The following SLC6A19 variants were observed in gnomAD, a reference collection of about 807,000 sequenced individuals.
SLC6A19 encodes sodium-dependent neutral amino acid transporter B(0)AT1.
SLC6A19 carries 67 observed loss-of-function variants against 68.3 expected under a neutral mutation model. That is an observed-to-expected ratio of 0.98 (90% confidence interval 0.81 to 1.20). The LOEUF is 1.20. Among genes scored for constraint, SLC6A19 ranks in the 50% most tolerant of loss-of-function variants. SLC6A19 has a pLI of 0.00. For synonymous variants in SLC6A19, 392 were observed against 374.9 expected, an observed-to-expected ratio of 1.05 and a Z score of -0.53; for missense variants, 813 against 851.6, an observed-to-expected ratio of 0.95 and a Z score of 0.56.
At chr5:1,202,798 G>C (rs1369761542) in intron 1 of SLC6A19, among the ~76,000 whole-genome samples, 1 of 152,206 alleles carries the variant, frequency 6.6e-6, no homozygotes, top group Non-Finnish European at 1.5e-5. Context: ...TTTGTGATGT[G>C]AAGGTTTTTA....
chr5:1,212,431 G>C lies in SLC6A19; in HGVS notation c.610G>C (p.Ala204Pro), dbSNP rs377603594. ...QWWMLLCLAC[A>P]WSVLYMCTIR... is the part of the protein sequence containing the mutation. Reference sequence around the variant, plus strand: ...GTGGATGCTGCTGTGCCTGGCCTGCGCATGGAGCGTCCTGTACATGTGCAC... The same window carrying C: ...GTGGATGCTGCTGTGCCTGGCCTGCCCATGGAGCGTCCTGTACATGTGCAC... The change falls in exon 4 of 12, where the codon GCA becomes CCA. Residue 204 changes from alanine to proline, a missense_variant. Ala to Pro is a conservative substitution (Grantham distance 27). Transcript: ENST00000304460. The surrounding 1 kb of genome is among the most constrained non-coding windows in gnomAD (Gnocchi z 5.1). 1 of 1,611,768 alleles carries C rather than the reference G, an allele frequency of 6.2e-7. No homozygotes were observed. The highest frequency in any genetic ancestry group is 1.7e-5 in the Admixed American group (1 of 60,010).
chr5:1,217,280 T>C (rs1468507890), intron 8 of SLC6A19, among the ~76,000 whole-genome samples: 3 of 152,268 alleles, frequency 2.0e-5, no homozygotes, highest in Non-Finnish European at 2.9e-5. Context: ...CGGTGACTTC[T>C]ATCGACATTG....
At chr5:1,213,108 C>G (rs12659074) in intron 4 of SLC6A19, among the ~76,000 whole-genome samples, 1 of 118,188 alleles carries the variant, frequency 8.5e-6, no homozygotes. Flanking sequence ...CCCCCCGTCG[C>G]CCTGGGCCCC....
At chr5:1,207,662 T>G (rs1373628101) in intron 1 of SLC6A19, among the ~76,000 whole-genome samples, 2 of 152,182 alleles carry the variant, frequency 1.3e-5, no homozygotes, top group Non-Finnish European at 2.9e-5. Flanking sequence ...ATCCCTATCT[T>G]CTATCTATTT....
Position 1,221,958 on chromosome 5 carries a change from C to A in SLC6A19, c.*54C>A, listed in dbSNP as rs1746395014. The A allele has an allele frequency of 1.9e-6, 3 of 1,593,828 alleles. No individual in the cohort carries two copies. In the East Asian group the frequency reaches 6.8e-5, roughly 36 times the overall value. ...CTGGTGTCAGGGAAGGAGGAACCAG[C>A]AAGACCTGTGGGGTGGGGGCCGGGC... On this transcript the variant is annotated 3_prime_UTR_variant, in exon 12 of 12. Coordinates refer to ENST00000304460, the MANE Select transcript of SLC6A19 (RefSeq NM_001003841.3).
chr5:1,207,264 T>G (rs1008350465), intron 1 of SLC6A19, among the ~76,000 whole-genome samples: 2 of 152,182 alleles, frequency 1.3e-5, no homozygotes, highest in African/African-American at 4.8e-5. Flanking sequence ...GCCGAGCACC[T>G]TGGGCACCGT....
At chr5:1,203,060 G>T (rs951190955) in intron 1 of SLC6A19, among the ~76,000 whole-genome samples, 28 of 152,218 alleles carry the variant, frequency 1.8e-4, no homozygotes, top group Non-Finnish European at 3.4e-4. Flanking sequence ...CCTATCCTGT[G>T]GGGAGGATCC....
rs755478742 is a variant in SLC6A19, at chr5:1,219,557, C to T, written c.1431C>T (p.Ser477=). The part of the protein sequence containing the change: ...FLIGFIFTLN[S]GQYWLSLLDS... ...TTGGCTTCATCTTCACGCTGAACTCCGGCCAGTACTGGCTCTCCCTGCTGG... is the reference window on the plus strand; with the variant it reads ...TTGGCTTCATCTTCACGCTGAACTCTGGCCAGTACTGGCTCTCCCTGCTGG... Residue 477 remains serine, a synonymous_variant, in exon 10 of 12, where the codon TCC becomes TCT. Coordinates refer to ENST00000304460, the MANE Select transcript of SLC6A19 (RefSeq NM_001003841.3). 3.3e-5 allele frequency: 53 copies of T among 1,612,360 alleles called. No homozygotes were observed. The East Asian group carries it at 4.0e-4, about 12-fold the overall frequency.
chr5:1,210,493 C>G lies in SLC6A19; in HGVS notation c.393C>G (p.Thr131=). Residue 131 remains threonine, a synonymous_variant, in exon 3 of 12, where the codon ACC becomes ACG. Transcript: ENST00000304460. ...TSFMVGLYYN[T]IISWIMWYLF... is the part of the protein sequence containing the mutation. ...TCATGGTGGGACTGTATTACAACAC[C>G]ATCATCTCCTGGATCATGTGGTACT... is the stretch of plus-strand genomic sequence containing the variant. The G allele has an allele frequency of 6.2e-7, 1 of 1,613,520 alleles. No homozygotes were observed. Among genetic ancestry groups the G allele is most frequent in the Non-Finnish European group, 8.5e-7 (1 of 1,180,028 alleles).
chr5:1,219,996 A>AG (rs980266038), intron 10 of SLC6A19, among the ~76,000 whole-genome samples: 2 of 152,092 alleles, frequency 1.3e-5, no homozygotes, highest in Non-Finnish European at 1.5e-5. Context: ...GTGTGTGTGC[A>AG]GGGGGGTGGG....
intron 6 of SLC6A19, 123 bp from the exon 7 acceptor site, chr5:1,216,435 A>T: frequency 1.4e-6 from 2 of 1,424,980 alleles, no homozygotes; most frequent in East Asian, 2.3e-5. Flanking sequence ...TCCCCGTGTC[A>T]CTCAGTGGCT....
Position 1,215,881 on chromosome 5 carries a change from T to C in SLC6A19, c.888-677T>C, listed in dbSNP as rs920608862. 7.2e-5 allele frequency among the ~76,000 whole-genome samples: 11 copies of C among 152,346 alleles called. No homozygotes were observed. The highest frequency in any genetic ancestry group is 3.4e-3 in the Middle Eastern group (1 of 294). ...AGGAAGCTCCAGTTTCCCCGTATCCTCACCAACACTTGTTATTGTCTGACT... is the reference window on the plus strand; with the variant it reads ...AGGAAGCTCCAGTTTCCCCGTATCCCCACCAACACTTGTTATTGTCTGACT... On this transcript the variant is annotated intron_variant, in intron 6 of 11. Coordinates refer to ENST00000304460, the MANE Select transcript of SLC6A19 (RefSeq NM_001003841.3). This position sits in a 1 kb window ranked among gnomAD's most constrained non-coding sequence, Gnocchi z 5.1.
chr5:1,212,361 G>T lies in SLC6A19; in HGVS notation c.540G>T (p.Thr180=), dbSNP rs767533794. Reference sequence around the variant, plus strand: ...TGGACTACTTCTGGTACCGAGAGACGCTCAACATCTCCACGTCCATCAGCG... The same window carrying T: ...TGGACTACTTCTGGTACCGAGAGACTCTCAACATCTCCACGTCCATCAGCG... The part of the protein sequence containing the change: ...SPVDYFWYRE[T]LNISTSISDS... The change falls in exon 4 of 12, where the codon ACG becomes ACT. Residue 180 remains threonine, a synonymous_variant. Transcript: ENST00000304460. The surrounding 1 kb of genome is among the most constrained non-coding windows in gnomAD (Gnocchi z 5.1). 6.2e-7 allele frequency: 1 copy of T among 1,613,376 alleles called. No individual in the cohort carries two copies. Among genetic ancestry groups the T allele is most frequent in the Non-Finnish European group, 8.5e-7 (1 of 1,179,954 alleles).
rs757502648 is a variant in SLC6A19 at position 1,219,049 on chromosome 5, T to C, written c.1320T>C (p.Val440=). Residue 440 remains valine (V), a synonymous_variant, in exon 9 of 12, where the codon GTT becomes GTC. Transcript: ENST00000304460. ...TGTTTGGGAACATGGAGGGCGTCGT[T>C]GTGCCCCTGCAGGACCTCAGAGTCA... ...SSMFGNMEGV[V]VPLQDLRVIP... 3 of 1,613,962 alleles carry C rather than the reference T, an allele frequency of 1.9e-6. No individual in the cohort carries two copies. The highest frequency in any genetic ancestry group is 1.7e-6 in the Non-Finnish European group (2 of 1,179,994).
At position 1,208,743 on chromosome 5, in the gene SLC6A19, C is replaced by T; in HGVS notation, c.203-3C>T. 1.2e-6 allele frequency: 2 copies of T among 1,613,478 alleles called. No homozygotes were observed. Among genetic ancestry groups the T allele is most frequent in the Admixed American group, 1.7e-5 (1 of 60,030 alleles). Reference sequence around the variant, plus strand: ...CAGGCATGGTGGACTCCTCCCATTGCAGGAGCCTTCATGATCCCGTTCCTC... The same window carrying T: ...CAGGCATGGTGGACTCCTCCCATTGTAGGAGCCTTCATGATCCCGTTCCTC... On this transcript the variant is annotated splice_region_variant and splice_polypyrimidine_tract_variant and intron_variant, in intron 1 of 11. Transcript: ENST00000304460.
chr5:1,211,778 C>T (rs373216962), intron 3 of SLC6A19, among the ~76,000 whole-genome samples: 14 of 144,740 alleles, frequency 9.7e-5, no homozygotes, highest in Admixed American at 2.8e-4. Context: ...CATGCATGTG[C>T]GTGCATGTGA....
intron 1 of SLC6A19, among the ~76,000 whole-genome samples, chr5:1,205,006 G>A (rs114401145): frequency 0.01 from 1,537 of 152,304 alleles, 27 homozygotes; most frequent in African/African-American, 0.034. Context: ...ACAGACAGGA[G>A]GAACTGTTTC....
intron 1 of SLC6A19, 39 bp downstream of exon 1, chr5:1,201,891 C>T (rs1228104342): frequency 6.3e-7 from 1 of 1,590,190 alleles, no homozygotes. Flanking sequence ...AGGCCGTGGC[C>T]AGGGAAGCAC....
In SLC6A19 at chr5:1,214,830, G is replaced by A. The variant is rs148871544; in HGVS notation, c.887+765G>A. On this transcript the variant is annotated intron_variant, in intron 6 of 11. Coordinates refer to ENST00000304460, the MANE Select transcript of SLC6A19 (RefSeq NM_001003841.3). The surrounding 1 kb of genome is among the most constrained non-coding windows in gnomAD (Gnocchi z 7.4). ...CAAGGGGGCAGGGCCTGGGTAGGGA[G>A]GGTGGGGCCTAGACTGGACGGGGGC... Among the ~76,000 whole-genome samples, 2,123 of 147,044 alleles carry A rather than the reference G, an allele frequency of 0.014. 27 individuals are homozygous for A. The highest frequency in any genetic ancestry group is 0.028 in the Middle Eastern group (8 of 290).
Sources: allele counts gnomAD v4.1 joint callset (sites outside exome capture counted in the v4.1 genomes callset), GRCh38; gene constraint gnomAD v4.1.1; non-coding constraint Gnocchi (gnomAD v3.1); transcripts MANE v1.5; gene names NCBI Gene and HGNC (gene_info 2026-07-23, HGNC 2026-07-21).